The following MAGI1 variants were observed in gnomAD, a reference collection of about 807,000 sequenced individuals.
MAGI1 encodes membrane associated guanylate kinase, WW and PDZ domain containing 1.
A neutral mutation model predicts 139.9 loss-of-function variants in MAGI1; 58 were observed. That is an observed-to-expected ratio of 0.41 (90% CI 0.34 to 0.52). MAGI1 has a LOEUF of 0.52. MAGI1 is among the 20% of genes least tolerant of loss of function. MAGI1 has a pLI of 0.12. For missense variants in MAGI1, 1,874 were observed against 1,901.6 expected, an observed-to-expected ratio of 0.99 and a Z score of 0.27; for synonymous variants, 812 against 737.9, an observed-to-expected ratio of 1.10 and a Z score of -1.63.
At chr3:65,476,543 C>G (rs1400679324) in intron 4 of MAGI1, among the ~76,000 whole-genome samples, 1 of 152,156 alleles carries the variant, frequency 6.6e-6, no homozygotes, top group Non-Finnish European at 1.5e-5. Context: ...GAAATTGCAT[C>G]TAGACTTACA....
intron 1 of MAGI1, among the ~76,000 whole-genome samples, chr3:65,642,290 A>C (rs992042352): frequency 6.6e-6 from 1 of 152,162 alleles, no homozygotes; most frequent in African/African-American, 2.4e-5. Flanking sequence ...AGCCACTCCC[A>C]TATCTTGATC....
intron 3 of MAGI1, among the ~76,000 whole-genome samples, chr3:65,488,641 T>C (rs1408001221): frequency 6.6e-6 from 1 of 151,136 alleles, no homozygotes; most frequent in East Asian, 2.0e-4. Flanking sequence ...ACACCCGGCC[T>C]ACTCATCACT....
intron 12 of MAGI1, among the ~76,000 whole-genome samples, chr3:65,405,665 C>A (rs1322864644): frequency 6.6e-6 from 1 of 151,944 alleles, no homozygotes; most frequent in Non-Finnish European, 1.5e-5. Flanking sequence ...TGTGATCTTG[C>A]CTCACTGCAA....
At chr3:65,498,166 G>A (rs934456581) in intron 2 of MAGI1, among the ~76,000 whole-genome samples, 5 of 152,000 alleles carry the variant, frequency 3.3e-5, no homozygotes, top group Non-Finnish European at 7.4e-5. Context: ...AGCCATCTGG[G>A]TTGGGTACAA....
chr3:65,388,436 C>T (rs1429766326), intron 14 of MAGI1, among the ~76,000 whole-genome samples: 1 of 151,924 alleles, frequency 6.6e-6, no homozygotes, highest in Non-Finnish European at 1.5e-5. Context: ...GGGGAGGGGG[C>T]AGGGAATCAC....
intron 1 of MAGI1, among the ~76,000 whole-genome samples, chr3:65,828,245 G>A (rs2042334653): frequency 6.6e-6 from 1 of 152,158 alleles, no homozygotes; most frequent in African/African-American, 2.4e-5. Context: ...ACTGGCCAGA[G>A]GAGGACCATC....
intron 2 of MAGI1, among the ~76,000 whole-genome samples, chr3:65,559,126 A>C (rs991886292): frequency 2.0e-5 from 3 of 152,246 alleles, no homozygotes; most frequent in African/African-American, 7.2e-5. Flanking sequence ...TTCCTCAGTG[A>C]ACTCACAAAT....
At chr3:65,409,303 C>T (rs953759608) in intron 12 of MAGI1, among the ~76,000 whole-genome samples, 2 of 152,074 alleles carry the variant, frequency 1.3e-5, no homozygotes, top group African/African-American at 2.4e-5. Flanking sequence ...GAGAAGGGAG[C>T]ACTGTTGCTT....
At chr3:65,434,595 T>C (rs1342797811) in intron 10 of MAGI1, among the ~76,000 whole-genome samples, 1 of 152,102 alleles carries the variant, frequency 6.6e-6, no homozygotes, top group East Asian at 1.9e-4. Context: ...CAACACTAGA[T>C]ACTGCCCAAG....
chr3:65,751,313 A>G (rs2107824773), intron 1 of MAGI1, among the ~76,000 whole-genome samples: 3 of 152,262 alleles, frequency 2.0e-5, no homozygotes, highest in African/African-American at 7.2e-5. Flanking sequence ...GCAATGGTGC[A>G]CTGACAGAAA....
chr3:65,737,775 T>G (rs1460937086), intron 1 of MAGI1, among the ~76,000 whole-genome samples: 3 of 152,116 alleles, frequency 2.0e-5, no homozygotes, highest in African/African-American at 7.2e-5. Flanking sequence ...AAATTCTACT[T>G]TATCAACATT....
intron 1 of MAGI1, among the ~76,000 whole-genome samples, chr3:65,944,002 T>G (rs2063442793): frequency 6.6e-6 from 1 of 152,196 alleles, no homozygotes; most frequent in Non-Finnish European, 1.5e-5. Flanking sequence ...TTTTCATATT[T>G]CTCAAATGAA....
At chr3:65,921,239 G>T (rs2062166534) in intron 1 of MAGI1, among the ~76,000 whole-genome samples, 1 of 151,724 alleles carries the variant, frequency 6.6e-6, no homozygotes, top group Admixed American at 6.6e-5. Context: ...TCAGGCCAAT[G>T]TATAACAAAA....
At chr3:65,485,751 A>G (rs916798866) in intron 3 of MAGI1, among the ~76,000 whole-genome samples, 1 of 152,246 alleles carries the variant, frequency 6.6e-6, no homozygotes, top group African/African-American at 2.4e-5. Context: ...CTTAGAGAAA[A>G]AAAGGCATCA....
chr3:65,832,573 C>G (rs1559925026), intron 1 of MAGI1, among the ~76,000 whole-genome samples: 1 of 152,074 alleles, frequency 6.6e-6, no homozygotes, highest in Non-Finnish European at 1.5e-5. Flanking sequence ...ATGCTCCCTT[C>G]TCTGTGCCAC....
chr3:65,765,109 G>C (rs2037357686), intron 1 of MAGI1, among the ~76,000 whole-genome samples: 2 of 152,172 alleles, frequency 1.3e-5, no homozygotes, highest in African/African-American at 2.4e-5. Context: ...TCAATGGATG[G>C]CACCTAACAT....
At chr3:65,529,938 T>C (rs11711657) in intron 2 of MAGI1, among the ~76,000 whole-genome samples, 37,685 of 152,110 alleles carry the variant, frequency 0.25, 4,973 homozygotes, top group Middle Eastern at 0.31. Context: ...TTAGCTGATC[T>C]TGACCCTCTC....
intron 2 of MAGI1, among the ~76,000 whole-genome samples, chr3:65,533,934 G>A (rs1346727155): frequency 6.6e-6 from 1 of 152,122 alleles, no homozygotes. Context: ...TCTAGACTCA[G>A]AATGTTTTAT....
chr3:65,436,290 T>A (rs1191845236), intron 10 of MAGI1, among the ~76,000 whole-genome samples: 1 of 152,164 alleles, frequency 6.6e-6, no homozygotes, highest in African/African-American at 2.4e-5. Flanking sequence ...AATTTTATAG[T>A]ATTTTTATTG....
Sources: gnomAD v4.1 joint callset for allele counts (sites outside exome capture counted in the v4.1 genomes callset) on GRCh38, gnomAD v4.1.1 for gene constraint, MANE v1.5 for transcripts, NCBI Gene and HGNC (gene_info 2026-07-23, HGNC 2026-07-21) for gene names.